PAPPA2: variants seen among roughly 807,000 people sequenced by gnomAD.
PAPPA2 encodes pappalysin-2.
A neutral mutation model predicts 176.4 loss-of-function variants in PAPPA2; 86 were observed. The observed-to-expected ratio is 0.49, with a 90% CI of 0.41 to 0.58. The LOEUF (loss-of-function observed/expected upper bound fraction) is 0.58. Ranked by LOEUF, PAPPA2 falls within the 20% of genes least tolerant of loss-of-function variation. The probability of loss-of-function intolerance (pLI) is 0.00; values close to 1 mark genes in which losing one functional copy is unlikely to be tolerated. For missense variants in PAPPA2, 2,073 were observed against 2,256.9 expected (o/e 0.92, Z 1.65); for synonymous variants, 809 against 852.2 (o/e 0.95, Z 0.88).
intron 3 of PAPPA2, among the ~76,000 whole-genome samples, chr1:176,662,141 A>G (rs1167867188): frequency 6.6e-6 from 1 of 152,184 alleles, no homozygotes; most frequent in Non-Finnish European, 1.5e-5. Context: ...ATGCTTGGGA[A>G]TTAGAGGAAT....
chr1:176,685,727 T>G (rs981627205), intron 4 of PAPPA2, among the ~76,000 whole-genome samples: 17 of 152,338 alleles, frequency 1.1e-4, no homozygotes, highest in South Asian at 6.2e-4. Flanking sequence ...AGGAAGGGAT[T>G]GCCACTCTAA....
At chr1:176,499,523 G>A (rs1647830694) in intron 1 of PAPPA2, among the ~76,000 whole-genome samples, 2 of 152,126 alleles carry the variant, frequency 1.3e-5, no homozygotes, top group African/African-American at 4.8e-5. Flanking sequence ...TGAAGAAAAG[G>A]GCAGGACTGT....
intron 4 of PAPPA2, among the ~76,000 whole-genome samples, chr1:176,678,245 G>A (rs1390417965): frequency 2.6e-5 from 4 of 152,114 alleles, no homozygotes; most frequent in African/African-American, 9.7e-5. Context: ...CACATTCTTA[G>A]AGTAACACCT....
chr1:176,582,603 T>A (rs556669427), intron 2 of PAPPA2, among the ~76,000 whole-genome samples: 2 of 152,340 alleles, frequency 1.3e-5, no homozygotes, highest in Non-Finnish European at 2.9e-5. Context: ...ATCTCTGGGA[T>A]GAATCCCACT....
intron 1 of PAPPA2, among the ~76,000 whole-genome samples, chr1:176,485,911 C>T (rs1423421048): frequency 1.3e-5 from 2 of 152,090 alleles, no homozygotes; most frequent in Non-Finnish European, 2.9e-5. Flanking sequence ...GGCTTATGTA[C>T]AAAGGGCAAT....
chr1:176,750,643 AC>A (rs1386044179), intron 14 of PAPPA2, among the ~76,000 whole-genome samples: 19 of 152,284 alleles, frequency 1.2e-4, no homozygotes, highest in South Asian at 4.1e-4. Context: ...AACAACAACA[AC>A]AACAAACAAT....
intron 21 of PAPPA2, among the ~76,000 whole-genome samples, chr1:176,835,252 A>G (rs1036860913): frequency 1.3e-5 from 2 of 152,154 alleles, no homozygotes; most frequent in Non-Finnish European, 2.9e-5. Context: ...ATCCTTGAAA[A>G]CAAGACAGTT....
At chr1:176,482,643 G>C (rs1199668704) in intron 1 of PAPPA2, among the ~76,000 whole-genome samples, 1 of 152,148 alleles carries the variant, frequency 6.6e-6, no homozygotes, top group Non-Finnish European at 1.5e-5. Flanking sequence ...TTTTCTCTGT[G>C]TTGGCTTTAT....
chr1:176,666,561 ATGTGTGTGTGTGTGTG>A (rs139660279), intron 3 of PAPPA2, among the ~76,000 whole-genome samples: 58 of 109,524 alleles, frequency 5.3e-4, no homozygotes, highest in South Asian at 1.1e-3. Context: ...GTAAATATAT[ATGTGTGTGTGTGTGTG>A]TGTGTGTGTG....
intron 4 of PAPPA2, among the ~76,000 whole-genome samples, chr1:176,672,599 G>A (rs1659075335): frequency 6.6e-6 from 1 of 151,968 alleles, no homozygotes; most frequent in Non-Finnish European, 1.5e-5. Flanking sequence ...AAAGATTGCT[G>A]TTCAATGCTG....
intron 1 of PAPPA2, among the ~76,000 whole-genome samples, chr1:176,537,752 G>GTGTGTA (rs1322586302): frequency 2.6e-5 from 4 of 151,674 alleles, no homozygotes; most frequent in African/African-American, 9.7e-5. Context: ...GTGTGTGTGT[G>GTGTGTA]TGTATGTACG....
chr1:176,824,490 A>G (rs1040050109), intron 21 of PAPPA2, among the ~76,000 whole-genome samples: 2 of 152,230 alleles, frequency 1.3e-5, no homozygotes, highest in African/African-American at 2.4e-5. Flanking sequence ...CATTAAATAT[A>G]GAATATTGCA....
At chr1:176,664,575 A>T (rs1658527114) in intron 3 of PAPPA2, among the ~76,000 whole-genome samples, 1 of 152,170 alleles carries the variant, frequency 6.6e-6, no homozygotes, top group Non-Finnish European at 1.5e-5. Flanking sequence ...TTGCCATGTA[A>T]GATGACATAT....
intron 10 of PAPPA2, among the ~76,000 whole-genome samples, chr1:176,709,035 A>T (rs887787675): frequency 1.3e-5 from 2 of 152,164 alleles, no homozygotes; most frequent in South Asian, 2.1e-4. Context: ...TTTCTCAGCT[A>T]TCTACATTTG....
chr1:176,571,543 C>G (rs565121077), intron 2 of PAPPA2, among the ~76,000 whole-genome samples: 1 of 152,278 alleles, frequency 6.6e-6, no homozygotes, highest in South Asian at 2.1e-4. Flanking sequence ...TGTGATGTCA[C>G]AGAAGGGACC....
intron 1 of PAPPA2, among the ~76,000 whole-genome samples, chr1:176,547,770 A>G (rs1159089844): frequency 6.6e-6 from 1 of 152,232 alleles, no homozygotes; most frequent in Non-Finnish European, 1.5e-5. Flanking sequence ...TGTGACTACC[A>G]AAAATGCCTG....
chr1:176,599,566 T>C (rs1014759865), intron 3 of PAPPA2, among the ~76,000 whole-genome samples: 6 of 151,426 alleles, frequency 4.0e-5, no homozygotes, highest in African/African-American at 1.4e-4. Flanking sequence ...TTATTTACTT[T>C]TATATTTTAG....
intron 2 of PAPPA2, among the ~76,000 whole-genome samples, chr1:176,563,216 G>A (rs1369696983): frequency 2.6e-5 from 4 of 152,164 alleles, no homozygotes; most frequent in African/African-American, 4.8e-5. Flanking sequence ...TGAAACTGGA[G>A]TCTCTTTGTG....
At chr1:176,473,992 A>AT (rs2102469052) in intron 1 of PAPPA2, among the ~76,000 whole-genome samples, 1 of 152,330 alleles carries the variant, frequency 6.6e-6, no homozygotes, top group Non-Finnish European at 1.5e-5. Flanking sequence ...ATTTGATGGA[A>AT]TTTTTGGAAC....
Sources: allele counts gnomAD v4.1 joint callset (sites outside exome capture counted in the v4.1 genomes callset), GRCh38; gene constraint gnomAD v4.1.1; transcripts MANE v1.5; gene names NCBI Gene and HGNC (gene_info 2026-07-23, HGNC 2026-07-21).